XRCC5: variants seen among roughly 807,000 people sequenced by gnomAD.
XRCC5 encodes DNA repair protein Ku80.
A neutral mutation model predicts 95.7 loss-of-function variants in XRCC5; 12 were observed. That is an observed-to-expected ratio of 0.13 (90% confidence interval 0.08 to 0.20). The LOEUF is 0.20. XRCC5 is among the 10% of genes least tolerant of loss of function. The pLI, the probability that XRCC5 is intolerant of heterozygous loss-of-function variation, is 1.00. For synonymous variants in XRCC5, 281 were observed against 290.3 expected, an observed-to-expected ratio of 0.97 and a Z score of 0.33; for missense variants, 595 against 873.9, an observed-to-expected ratio of 0.68 and a Z score of 4.02.
chr2:216,191,491 A>G (rs1017774112), intron 17 of XRCC5, among the ~76,000 whole-genome samples: 2 of 151,748 alleles, frequency 1.3e-5, no homozygotes, highest in African/African-American at 4.8e-5. Context: ...GCTCACTGCA[A>G]CCTCTGCCTC....
intron 6 of XRCC5, among the ~76,000 whole-genome samples, chr2:216,122,754 A>G (rs1360789660): frequency 1.5e-5 from 2 of 133,510 alleles, no homozygotes; most frequent in East Asian, 4.1e-4. Context: ...TGATTGAGTG[A>G]AAAAAAAAAA....
At chr2:216,205,101 T>C in intron 20 of XRCC5, 87 bp from the exon 21 acceptor site, 5 of 1,518,628 alleles carry the variant, frequency 3.3e-6, no homozygotes, top group Non-Finnish European at 4.6e-6. Context: ...CAATGTAGAG[T>C]CATTTTCATT....
chr2:216,183,291 G>T (rs1689424764), intron 16 of XRCC5, among the ~76,000 whole-genome samples: 1 of 152,134 alleles, frequency 6.6e-6, no homozygotes, highest in South Asian at 2.1e-4. Flanking sequence ...CATTTACTCT[G>T]TTCCTTGTGC....
At chr2:216,203,768 T>C (rs894665831) in intron 19 of XRCC5, among the ~76,000 whole-genome samples, 2 of 152,070 alleles carry the variant, frequency 1.3e-5, no homozygotes, top group East Asian at 3.9e-4. Flanking sequence ...TCACTCATTT[T>C]TGCATTTCAC....
At chr2:216,120,709 C>A (rs746379518) in intron 5 of XRCC5, among the ~76,000 whole-genome samples, 1 of 150,954 alleles carries the variant, frequency 6.6e-6, no homozygotes, top group Non-Finnish European at 1.5e-5. Context: ...ATGCATGTTA[C>A]CACACCCAGC....
intron 3 of XRCC5, chr2:216,117,422 G>T: frequency 6.7e-6 from 2 of 299,954 alleles, no homozygotes; most frequent in Non-Finnish European, 6.3e-6. Flanking sequence ...ATTATGGTTC[G>T]CTTCATATTT....
chr2:216,120,214 G>A (rs1421262662), intron 5 of XRCC5, among the ~76,000 whole-genome samples: 2 of 152,194 alleles, frequency 1.3e-5, no homozygotes, highest in Non-Finnish European at 2.9e-5. Flanking sequence ...ACTGAGTTGA[G>A]GTTTTTCTCA....
intron 5 of XRCC5, among the ~76,000 whole-genome samples, chr2:216,120,037 G>T (rs183026592): frequency 9.2e-5 from 14 of 152,298 alleles, no homozygotes; most frequent in Non-Finnish European, 1.8e-4. Flanking sequence ...GCCTGCCTGG[G>T]GGTATTAAGA....
chr2:216,123,444 C>G (rs1696850158), intron 6 of XRCC5, among the ~76,000 whole-genome samples: 1 of 152,094 alleles, frequency 6.6e-6, no homozygotes, highest in Non-Finnish European at 1.5e-5. Context: ...GATATGTGTT[C>G]CTAAGTTGTT....
chr2:216,181,384 T>G (rs1044723367), intron 16 of XRCC5, among the ~76,000 whole-genome samples: 1 of 152,136 alleles, frequency 6.6e-6, no homozygotes, highest in Non-Finnish European at 1.5e-5. Context: ...TTACTCCCAT[T>G]CAGTCCCCCA....
At chr2:216,157,469 G>A (rs1346054590) in intron 14 of XRCC5, among the ~76,000 whole-genome samples, 1 of 152,084 alleles carries the variant, frequency 6.6e-6, no homozygotes, top group Non-Finnish European at 1.5e-5. Context: ...TCCTGACCTC[G>A]TGATCCGCCT....
At chr2:216,152,363 C>G (rs1365280571) in intron 14 of XRCC5, among the ~76,000 whole-genome samples, 4 of 152,012 alleles carry the variant, frequency 2.6e-5, no homozygotes, top group African/African-American at 9.7e-5. Context: ...TTGCTTGAAC[C>G]TAGGAGGCGG....
At chr2:216,200,043 A>G (rs1689807196) in intron 19 of XRCC5, among the ~76,000 whole-genome samples, 1 of 151,014 alleles carries the variant, frequency 6.6e-6, no homozygotes, top group South Asian at 2.1e-4. Context: ...TGGCCATTTT[A>G]CCAACACCCC....
chr2:216,171,889 T>A (rs1272659611), intron 16 of XRCC5, among the ~76,000 whole-genome samples: 1 of 152,256 alleles, frequency 6.6e-6, no homozygotes, highest in Non-Finnish European at 1.5e-5. Context: ...AGTAAAATCT[T>A]CTACTATAAA....
intron 16 of XRCC5, among the ~76,000 whole-genome samples, chr2:216,162,385 T>C (rs1167361495): frequency 6.7e-6 from 1 of 149,856 alleles, no homozygotes; most frequent in African/African-American, 2.4e-5. Context: ...CATCTTCCTA[T>C]TTTATTTTCT....
intron 13 of XRCC5, among the ~76,000 whole-genome samples, chr2:216,145,035 A>G (rs370961958): frequency 1.3e-5 from 2 of 152,204 alleles, no homozygotes; most frequent in African/African-American, 2.4e-5. Context: ...CAGATGCACA[A>G]TGGGGAGTAG....
chr2:216,145,564 C>G (rs1038239503), intron 13 of XRCC5, among the ~76,000 whole-genome samples: 10 of 152,198 alleles, frequency 6.6e-5, no homozygotes, highest in Non-Finnish European at 1.3e-4. Context: ...AGAAATGTCA[C>G]TTTCTCATAA....
intron 13 of XRCC5, among the ~76,000 whole-genome samples, chr2:216,145,334 G>A (rs1011722401): frequency 6.6e-6 from 1 of 152,178 alleles, no homozygotes; most frequent in Non-Finnish European, 1.5e-5. Flanking sequence ...TTTAATTCTA[G>A]TTTTGGAAAG....
chr2:216,127,818 C>G (rs906473558), intron 8 of XRCC5, 144 bp downstream of exon 8: 22 of 928,422 alleles, frequency 2.4e-5, no homozygotes, highest in Non-Finnish European at 3.1e-5. Context: ...TAATGAGACC[C>G]TAGGTCCTTT....
Sources: gnomAD v4.1 joint callset for allele counts (sites outside exome capture counted in the v4.1 genomes callset) on GRCh38, gnomAD v4.1.1 for gene constraint, MANE v1.5 for transcripts, NCBI Gene and HGNC (gene_info 2026-07-23, HGNC 2026-07-21) for gene names.